MAPKAPK3: variants seen among roughly 807,000 people sequenced by gnomAD.
MAPKAPK3 encodes MAPK activated protein kinase 3, also known as MAP kinase-activated protein kinase 3.
MAPKAPK3 carries 35 observed loss-of-function variants against 49.2 expected under a neutral mutation model. The ratio of observed to expected loss-of-function variants is 0.71; its 90% CI spans 0.54 to 0.94. MAPKAPK3 has a LOEUF of 0.94. MAPKAPK3 is among the 40% of genes least tolerant of loss of function. The probability of loss-of-function intolerance (pLI) is 0.00; values close to 1 mark genes in which losing one functional copy is unlikely to be tolerated. For missense variants in MAPKAPK3, 398 were observed against 493.1 expected, an observed-to-expected ratio of 0.81 and a Z score of 1.83; for synonymous variants, 178 against 188.7, an observed-to-expected ratio of 0.94 and a Z score of 0.46.
chr3:50,627,125 A>G (rs1409234182), intron 2 of MAPKAPK3, among the ~76,000 whole-genome samples: 1 of 147,326 alleles, frequency 6.8e-6, no homozygotes, highest in Non-Finnish European at 1.5e-5. Flanking sequence ...TGGAGGTTGC[A>G]GTGAGCTGAG....
rs376982083 is a variant in MAPKAPK3 at position 50,617,622 on chromosome 3, C to G, written c.57C>G (p.Pro19=). ...QGGPVPPPVA[P]GGPGLGGAPG... ...GCCCTGTGCCCCCGCCAGTTGCACC[C>G]GGCGGACCCGGCTTGGGCGGTGCTC... The change falls in exon 2 of 11, where the codon CCC becomes CCG. Residue 19 remains proline, a synonymous_variant. Transcript: ENST00000621469. 3.1e-6 allele frequency: 5 copies of G among 1,605,890 alleles called. No homozygotes were observed. In the African/African-American group the frequency reaches 5.3e-5, roughly 17 times the overall value.
At chr3:50,626,095 G>C (rs2032733338) in intron 2 of MAPKAPK3, among the ~76,000 whole-genome samples, 1 of 149,870 alleles carries the variant, frequency 6.7e-6, no homozygotes, top group African/African-American at 2.5e-5. Flanking sequence ...CCCATGGCTT[G>C]TGTGAAGTCA....
At chr3:50,611,828 C>A (rs1018803703), upstream of MAPKAPK3, 4 of 747,294 alleles carry the variant, frequency 5.4e-6, 1 homozygote, top group East Asian at 3.4e-5. Context: ...GCCAGACGAG[C>A]GGGGCGGGGC....
At chr3:50,645,544 C>A (rs1325630004) in intron 6 of MAPKAPK3, among the ~76,000 whole-genome samples, 166 bp from the exon 7 acceptor site, 1 of 152,178 alleles carries the variant, frequency 6.6e-6, no homozygotes, top group Non-Finnish European at 1.5e-5. Context: ...TTCTCCTCCC[C>A]CAACTTCACA....
intron 5 of MAPKAPK3, among the ~76,000 whole-genome samples, chr3:50,643,945 C>T (rs368847978): frequency 6.6e-6 from 1 of 152,192 alleles, no homozygotes; most frequent in East Asian, 1.9e-4. Flanking sequence ...TGTGCAGCTC[C>T]TGGGGTCTGG....
intron 2 of MAPKAPK3, among the ~76,000 whole-genome samples, chr3:50,627,657 C>T (rs558391823): frequency 6.6e-6 from 1 of 152,276 alleles, no homozygotes; most frequent in African/African-American, 2.4e-5. Context: ...CAGGCAGTGT[C>T]CCTCAGAGCT....
intron 3 of MAPKAPK3, 145 bp downstream of exon 3, chr3:50,640,650 C>A: frequency 1.0e-6 from 1 of 1,004,546 alleles, no homozygotes; most frequent in Non-Finnish European, 1.4e-6. Context: ...GAGCAGGCAG[C>A]CGCAGGCCCT....
At chr3:50,646,382 G>T in intron 8 of MAPKAPK3, 118 bp downstream of exon 8, 1 of 1,376,914 alleles carries the variant, frequency 7.3e-7, no homozygotes, top group Non-Finnish European at 1.0e-6. Flanking sequence ...CCTCTTTCCA[G>T]CTATGGGACC....
chr3:50,646,924 C>A, intron 9 of MAPKAPK3, 99 bp downstream of exon 9: 2 of 1,257,856 alleles, frequency 1.6e-6, no homozygotes, highest in Non-Finnish European at 2.3e-6. Flanking sequence ...CAGTGCAGGG[C>A]TGGAATGGGC....
upstream of MAPKAPK3, among the ~76,000 whole-genome samples, chr3:50,613,423 TG>T (rs1281108840): frequency 1.3e-5 from 2 of 152,228 alleles, no homozygotes; most frequent in African/African-American, 2.4e-5. Flanking sequence ...AGCCCCCTCC[TG>T]AGTTGGCCAG....
rs1029667589 is a variant in MAPKAPK3 at position 50,626,963 on chromosome 3, C to T, written c.219+9179C>T. On this transcript the variant is annotated intron_variant, in intron 2 of 10. Transcript: ENST00000621469. ...ATCCCAGCACTTTGGGAGGCTGACG[C>T]GGGTGGATCACCTGAAGTCAGGAGT... Among the ~76,000 whole-genome samples, 3 of 152,056 alleles carry T rather than the reference C, an allele frequency of 2.0e-5. No individual in the cohort carries two copies. The South Asian group carries it at 6.2e-4, about 31-fold the overall frequency.
intron 2 of MAPKAPK3, among the ~76,000 whole-genome samples, chr3:50,621,709 G>A (rs748524578): frequency 2.0e-5 from 3 of 152,082 alleles, no homozygotes; most frequent in Non-Finnish European, 4.4e-5. Context: ...GGGGTTTGAG[G>A]CTGCAGTGAG....
chr3:50,626,106 A>G (rs890005450), intron 2 of MAPKAPK3, among the ~76,000 whole-genome samples: 3 of 152,066 alleles, frequency 2.0e-5, no homozygotes, highest in Non-Finnish European at 2.9e-5. Flanking sequence ...TGTGAAGTCA[A>G]CTTCAGCTGC....
intron 2 of MAPKAPK3, among the ~76,000 whole-genome samples, chr3:50,619,618 C>T (rs2032559179): frequency 6.6e-6 from 1 of 152,096 alleles, no homozygotes; most frequent in Non-Finnish European, 1.5e-5. Flanking sequence ...GGGATTGAGG[C>T]CAGAGACCCA....
At chr3:50,627,628 C>T (rs1414510833) in intron 2 of MAPKAPK3, among the ~76,000 whole-genome samples, 3 of 152,130 alleles carry the variant, frequency 2.0e-5, no homozygotes, top group Non-Finnish European at 4.4e-5. Flanking sequence ...GTCACTGCCG[C>T]CTAGTCTCGT....
chr3:50,627,648 A>T lies in MAPKAPK3; in HGVS notation c.219+9864A>T, dbSNP rs865970512. On this transcript the variant is annotated intron_variant, in intron 2 of 10. Coordinates refer to ENST00000621469, the MANE Select transcript of MAPKAPK3 (RefSeq NM_001243925.2). ...TGCCGCCTAGTCTCGTGGCAGGAAC[A>T]GGCAGTGTCCCTCAGAGCTGCCAGG... is the stretch of plus-strand genomic sequence containing the variant. Among the ~76,000 whole-genome samples the T allele has an allele frequency of 3.3e-5, 5 of 152,266 alleles. No homozygotes were observed. In the South Asian group the frequency reaches 1.0e-3, roughly 32 times the overall value.
intron 3 of MAPKAPK3, among the ~76,000 whole-genome samples, chr3:50,641,249 G>A (rs2033170322): frequency 6.6e-6 from 1 of 152,174 alleles, no homozygotes; most frequent in Non-Finnish European, 1.5e-5. Flanking sequence ...GATAGCTGAG[G>A]CACAGAGAGG....
In MAPKAPK3 at chr3:50,644,537, G is replaced by A. The variant is rs2033244766; in HGVS notation, c.628+5G>A. 2 of 1,613,986 alleles carry A rather than the reference G, an allele frequency of 1.2e-6. No homozygotes were observed. The highest frequency in any genetic ancestry group is 1.7e-6 in the Non-Finnish European group (2 of 1,179,992). On this transcript the variant is annotated splice_donor_5th_base_variant and intron_variant, in intron 6 of 10. Transcript: ENST00000621469. ...GCTATACTCCCTATTATGTGGGTGA[G>A]TCCTTCGGACATGAGTTGTAACTCC...
intron 6 of MAPKAPK3, 98 bp from the exon 7 acceptor site, chr3:50,645,612 C>A: frequency 1.1e-6 from 1 of 898,540 alleles, no homozygotes; most frequent in Non-Finnish European, 1.8e-6. Context: ...TACCTCCCAG[C>A]CCAGGTACCT....
Sources: gnomAD v4.1 joint callset for allele counts (sites outside exome capture counted in the v4.1 genomes callset) on GRCh38, gnomAD v4.1.1 for gene constraint, MANE v1.5 for transcripts, NCBI Gene and HGNC (gene_info 2026-07-23, HGNC 2026-07-21) for gene names.